Variants in NME9 observed in about 807,000 individuals in gnomAD.
NME9 encodes the protein thioredoxin domain-containing protein 6.
In NME9, 48 loss-of-function variants were observed where a neutral mutation model predicts 44.4. That is an observed-to-expected ratio of 1.08 (90% confidence interval 0.86 to 1.37). The LOEUF (loss-of-function observed/expected upper bound fraction) is 1.37, where lower values mean the gene tolerates loss of function less well. Ranked by LOEUF, NME9 falls within the 40% of genes most tolerant of loss-of-function variation. NME9 has a pLI of 0.00. For missense variants in NME9, 325 were observed against 405.2 expected, an observed-to-expected ratio of 0.80 and a Z score of 1.70; for synonymous variants, 139 against 147.1, an observed-to-expected ratio of 0.94 and a Z score of 0.40.
intron 8 of NME9, among the ~76,000 whole-genome samples, chr3:138,266,874 C>T (rs1256476711): frequency 6.6e-6 from 1 of 152,182 alleles, no homozygotes; most frequent in Non-Finnish European, 1.5e-5. Context: ...AAGCATTTCA[C>T]ATAAGAGTAT....
intron 4 of NME9, among the ~76,000 whole-genome samples, chr3:138,316,912 G>A (rs2053126560): frequency 6.6e-6 from 1 of 152,174 alleles, no homozygotes; most frequent in South Asian, 2.1e-4. Flanking sequence ...ACTGCACCCG[G>A]CCAAAAGTCT....
chr3:138,277,183 T>C (rs1271735726), intron 8 of NME9, among the ~76,000 whole-genome samples: 2 of 152,162 alleles, frequency 1.3e-5, no homozygotes, highest in South Asian at 2.1e-4. Flanking sequence ...GGAGAAAGAA[T>C]GGTCTTTTCA....
Position 138,319,584 on chromosome 3 carries a change from G to A in NME9, c.92-3C>T, listed in dbSNP as rs183002934. On this transcript the variant is annotated splice_region_variant and splice_polypyrimidine_tract_variant and intron_variant, in intron 2 of 10. Transcript: ENST00000333911. ...CCAGCCTTGATAGACATCAACAACTGTGTGGAACCAAGAAGCAGGAACATT... is the reference window on the plus strand; with the variant it reads ...CCAGCCTTGATAGACATCAACAACTATGTGGAACCAAGAAGCAGGAACATT... 96 of 1,567,924 alleles carry A rather than the reference G, an allele frequency of 6.1e-5. No homozygotes were observed. The highest frequency in any genetic ancestry group is 1.3e-4 in the Admixed American group (8 of 59,934).
At chr3:138,286,894 G>A (rs2050480347) in intron 8 of NME9, among the ~76,000 whole-genome samples, 1 of 152,180 alleles carries the variant, frequency 6.6e-6, no homozygotes, top group African/African-American at 2.4e-5. Context: ...CCATGTGGCT[G>A]TCTGATAGCA....
intron 8 of NME9, among the ~76,000 whole-genome samples, chr3:138,291,409 C>A (rs2050938186): frequency 6.6e-6 from 1 of 152,182 alleles, no homozygotes; most frequent in Non-Finnish European, 1.5e-5. Flanking sequence ...CTTTGCTATC[C>A]CAGTCTCCTC....
At position 138,304,873 on chromosome 3, in the gene NME9, C is replaced by T; in HGVS notation, c.791G>A (p.Ser264Asn). 2 of 1,613,632 alleles carry T rather than the reference C, an allele frequency of 1.2e-6. No homozygotes were observed. Among genetic ancestry groups the T allele is most frequent in the Non-Finnish European group, 1.7e-6 (2 of 1,179,752 alleles). The change falls in exon 9 of 11, where the codon AGT (serine) becomes AAT (asparagine). Residue 264 changes from serine to asparagine, a missense_variant and splice_region_variant. Transcript: ENST00000333911. ...PNVARREQPESLRAQYGTEMP... is the reference protein window; with the variant it reads ...PNVARREQPENLRAQYGTEMP... ...AAAGGACCACAGCTGGTGACATCAC[C>T]TTTCTGGCTGCTCCCTCCTGGCCAC...
At chr3:138,314,438 G>C in intron 5 of NME9, 31 bp from the exon 6 acceptor site, 1 of 1,382,960 alleles carries the variant, frequency 7.2e-7, no homozygotes. Context: ...AAAGAAAGTA[G>C]TTAGCTAATT....
intron 8 of NME9, among the ~76,000 whole-genome samples, chr3:138,292,195 G>A (rs1211971845): frequency 2.6e-5 from 4 of 151,994 alleles, no homozygotes; most frequent in African/African-American, 4.8e-5. Flanking sequence ...CTGCCACCAC[G>A]CCCAGCTAAT....
chr3:138,279,782 A>G (rs1234349678), intron 8 of NME9, among the ~76,000 whole-genome samples: 1 of 152,138 alleles, frequency 6.6e-6, no homozygotes, highest in Non-Finnish European at 1.5e-5. Flanking sequence ...TCTTTCAAGG[A>G]ATTTGTTCAT....
At chr3:138,269,146 G>A (rs1011875490) in intron 8 of NME9, among the ~76,000 whole-genome samples, 1 of 152,098 alleles carries the variant, frequency 6.6e-6, no homozygotes, top group Non-Finnish European at 1.5e-5. Context: ...ATATCTGAGC[G>A]TTCCTTGTAT....
Position 138,322,175 on chromosome 3 carries a change from A to C in NME9, c.92-2594T>G, listed in dbSNP as rs192183435. Reference sequence around the variant, plus strand: ...CCTGAAGACTTAGAGGGCCCTGTACACAGGCCCGCTGAAAAGGGCAGGTTT... The same window carrying C: ...CCTGAAGACTTAGAGGGCCCTGTACCCAGGCCCGCTGAAAAGGGCAGGTTT... On this transcript the variant is annotated intron_variant, in intron 2 of 10. Coordinates refer to ENST00000333911, the MANE Select transcript of NME9 (RefSeq NM_001349018.2). Among the ~76,000 whole-genome samples the C allele has an allele frequency of 7.9e-4, 120 of 152,288 alleles. 1 individual carries two copies. Among genetic ancestry groups the C allele is most frequent in the African/African-American group, 2.6e-3 (106 of 41,560 alleles).
intron 8 of NME9, chr3:138,267,154 G>T: frequency 6.5e-7 from 1 of 1,530,226 alleles, no homozygotes; most frequent in Non-Finnish European, 8.9e-7. Flanking sequence ...TAATTCCATA[G>T]GTTTTACAAA....
chr3:138,280,487 T>G (rs2049784674), intron 8 of NME9, among the ~76,000 whole-genome samples: 1 of 149,100 alleles, frequency 6.7e-6, no homozygotes, highest in African/African-American at 2.5e-5. Context: ...CTGGTTACTT[T>G]CTTTTTTTTC....
intron 8 of NME9, chr3:138,290,752 A>G: frequency 1.4e-6 from 1 of 712,432 alleles, no homozygotes; most frequent in Non-Finnish European, 2.3e-6. Context: ...TTAGATTCTT[A>G]GATTTTCTTC....
At chr3:138,264,424 T>C (rs931542203) in intron 8 of NME9, among the ~76,000 whole-genome samples, 1 of 138,306 alleles carries the variant, frequency 7.2e-6, no homozygotes, top group Non-Finnish European at 1.6e-5. Context: ...TTTTTTTTTT[T>C]TTTTTTTTTT....
At chr3:138,275,456 G>T in intron 8 of NME9, among the ~76,000 whole-genome samples, 1 of 152,210 alleles carries the variant, frequency 6.6e-6, no homozygotes, top group Non-Finnish European at 1.5e-5. Flanking sequence ...CTACTGGGGA[G>T]GCTGAGGCAG....
intron 8 of NME9, chr3:138,289,020 A>T (rs1560056103): frequency 2.5e-6 from 4 of 1,568,800 alleles, no homozygotes; most frequent in East Asian, 2.3e-5. Context: ...CACCATTTTG[A>T]TTTTTTTTTC....
intron 6 of NME9, among the ~76,000 whole-genome samples, chr3:138,306,783 G>T (rs1328152789): frequency 6.6e-6 from 1 of 152,216 alleles, no homozygotes; most frequent in Admixed American, 6.5e-5. Context: ...CATGGGAGAA[G>T]GGATTGCTCA....
intron 6 of NME9, among the ~76,000 whole-genome samples, chr3:138,307,333 A>G (rs1372361941): frequency 1.3e-5 from 2 of 152,182 alleles, no homozygotes; most frequent in Non-Finnish European, 2.9e-5. Flanking sequence ...TGTCTAGTCC[A>G]TGAGCCCATC....
Sources: gnomAD v4.1 joint callset for allele counts (sites outside exome capture counted in the v4.1 genomes callset) on GRCh38, gnomAD v4.1.1 for gene constraint, MANE v1.5 for transcripts, NCBI Gene and HGNC (gene_info 2026-07-23, HGNC 2026-07-21) for gene names.